The following SMYD3 variants were observed in gnomAD, a reference collection of about 807,000 sequenced individuals.
SMYD3 encodes SET and MYND domain containing 3, also known as histone-lysine N-methyltransferase SMYD3.
Under a neutral mutation model 57.7 loss-of-function variants are expected in SMYD3, and 36 were observed. The ratio of observed to expected loss-of-function variants is 0.62; its 90% confidence interval spans 0.48 to 0.82. The LOEUF is 0.82. Ranked by LOEUF, SMYD3 falls within the 40% of genes least tolerant of loss-of-function variation. SMYD3 has a pLI of 0.00. For missense variants in SMYD3, 515 were observed against 538.8 expected, an observed-to-expected ratio of 0.96 and a Z score of 0.44; for synonymous variants, 211 against 195.0, an observed-to-expected ratio of 1.08 and a Z score of -0.68.
At chr1:246,440,342 T>C (rs1001584004) in intron 1 of SMYD3, among the ~76,000 whole-genome samples, 1 of 152,136 alleles carries the variant, frequency 6.6e-6, no homozygotes, top group African/African-American at 2.4e-5. Flanking sequence ...CTCCCACAAA[T>C]TGAGTACTTA....
Position 246,468,300 on chromosome 1 carries a change from T to C in SMYD3, c.164+38754A>G, listed in dbSNP as rs150310547. Among the ~76,000 whole-genome samples the C allele has an allele frequency of 2.0e-3, 309 of 152,304 alleles. 3 individuals are homozygous for C. Among genetic ancestry groups the C allele is most frequent in the African/African-American group, 7.1e-3 (297 of 41,556 alleles). On this transcript the variant is annotated intron_variant, in intron 1 of 11. Transcript: ENST00000490107. ...AAAACAAAAAATATATGATCATTTCTATAGATGCAGAAAAAGGCATTTGAC... is the reference window on the plus strand; with the variant it reads ...AAAACAAAAAATATATGATCATTTCCATAGATGCAGAAAAAGGCATTTGAC...
intron 8 of SMYD3, among the ~76,000 whole-genome samples, chr1:245,912,884 A>G (rs1268335042): frequency 2.0e-5 from 3 of 152,236 alleles, no homozygotes; most frequent in African/African-American, 4.8e-5. Flanking sequence ...TGAGCCTGGA[A>G]ACTATAATAC....
chr1:246,146,851 G>T (rs1332278961), intron 5 of SMYD3, among the ~76,000 whole-genome samples: 1 of 152,150 alleles, frequency 6.6e-6, no homozygotes, highest in Non-Finnish European at 1.5e-5. Context: ...AAAATTTCAA[G>T]AACTCTCCAA....
At chr1:245,761,149 T>C (rs1433105820) in intron 11 of SMYD3, among the ~76,000 whole-genome samples, 2 of 152,182 alleles carry the variant, frequency 1.3e-5, no homozygotes, top group Non-Finnish European at 2.9e-5. Flanking sequence ...ACAGCAAGTT[T>C]GGGTAAGGCC....
intron 2 of SMYD3, among the ~76,000 whole-genome samples, chr1:246,342,219 A>T (rs1391189265): frequency 6.6e-6 from 1 of 152,184 alleles, no homozygotes; most frequent in Non-Finnish European, 1.5e-5. Context: ...TATTAACTAA[A>T]CATCTTCTAC....
At chr1:246,230,424 G>A (rs749267976) in intron 5 of SMYD3, among the ~76,000 whole-genome samples, 3 of 152,160 alleles carry the variant, frequency 2.0e-5, no homozygotes, top group South Asian at 2.1e-4. Context: ...AAATGACAAC[G>A]TAAGGAAAAT....
At chr1:246,497,688 A>G (rs937249962) in intron 1 of SMYD3, among the ~76,000 whole-genome samples, 1 of 124,386 alleles carries the variant, frequency 8.0e-6, no homozygotes, top group Non-Finnish European at 2.0e-5. Context: ...TCTCATCTCT[A>G]AAAAAAAATT....
intron 1 of SMYD3, among the ~76,000 whole-genome samples, chr1:246,371,219 G>A (rs957372224): frequency 6.6e-6 from 1 of 152,286 alleles, no homozygotes; most frequent in African/African-American, 2.4e-5. Context: ...TACACTGCCT[G>A]TTGTAAGTCA....
At chr1:245,929,255 G>C (rs1223103930) in intron 6 of SMYD3, among the ~76,000 whole-genome samples, 1 of 152,164 alleles carries the variant, frequency 6.6e-6, no homozygotes, top group Non-Finnish European at 1.5e-5. Context: ...TAAGAAAAAA[G>C]GCTGAATTCT....
intron 5 of SMYD3, among the ~76,000 whole-genome samples, chr1:245,961,996 C>T (rs1481363219): frequency 1.3e-5 from 2 of 152,142 alleles, no homozygotes; most frequent in African/African-American, 4.8e-5. Flanking sequence ...AGTAGTTATC[C>T]TCACTTTGCA....
intron 5 of SMYD3, among the ~76,000 whole-genome samples, chr1:246,239,700 C>A (rs538818655): frequency 1.3e-5 from 2 of 152,164 alleles, no homozygotes; most frequent in Non-Finnish European, 2.9e-5. Flanking sequence ...AGTTTACAGT[C>A]CCACCAACAG....
chr1:246,019,131 T>G (rs140526178), intron 5 of SMYD3, among the ~76,000 whole-genome samples: 2 of 152,346 alleles, frequency 1.3e-5, no homozygotes, highest in Admixed American at 1.3e-4. Flanking sequence ...TCCATTACTC[T>G]CCACTCCAGT....
chr1:245,882,400 C>T (rs999275204), intron 8 of SMYD3, among the ~76,000 whole-genome samples: 18 of 152,176 alleles, frequency 1.2e-4, no homozygotes, highest in African/African-American at 3.1e-4. Flanking sequence ...CCTAAGTCAT[C>T]AAACCTTCAT....
At chr1:246,475,706 C>T (rs2068021738) in intron 1 of SMYD3, among the ~76,000 whole-genome samples, 1 of 151,934 alleles carries the variant, frequency 6.6e-6, no homozygotes, top group African/African-American at 2.4e-5. Flanking sequence ...CCTCCACCTC[C>T]TAGGCTCAAG....
chr1:246,397,358 C>T (rs2066689911), intron 1 of SMYD3, among the ~76,000 whole-genome samples: 5 of 152,164 alleles, frequency 3.3e-5, no homozygotes, highest in Admixed American at 3.3e-4. Flanking sequence ...TTCCAAGAAA[C>T]CAGTCCCTGG....
At chr1:246,491,120 G>C (rs149737439) in intron 1 of SMYD3, among the ~76,000 whole-genome samples, 1 of 152,352 alleles carries the variant, frequency 6.6e-6, no homozygotes, top group Non-Finnish European at 1.5e-5. Flanking sequence ...ACCAAAGTGA[G>C]AGTAAGTATG....
At chr1:246,278,354 T>C (rs898738408) in intron 5 of SMYD3, among the ~76,000 whole-genome samples, 4 of 152,198 alleles carry the variant, frequency 2.6e-5, no homozygotes, top group Admixed American at 1.3e-4. Flanking sequence ...TTGCCCCTTA[T>C]GTATGGGCAT....
chr1:246,268,422 A>G (rs2185353), intron 5 of SMYD3, among the ~76,000 whole-genome samples: 52,894 of 152,024 alleles, frequency 0.35, 10,306 homozygotes, highest in East Asian at 0.79. Context: ...ATAACCGGCC[A>G]GGCGCAGTGG....
chr1:246,005,290 A>G (rs1233367114), intron 5 of SMYD3, among the ~76,000 whole-genome samples: 1 of 152,236 alleles, frequency 6.6e-6, no homozygotes, highest in Non-Finnish European at 1.5e-5. Context: ...CCATTGCCCT[A>G]TGACTCAGCA....
Sources: gnomAD v4.1 joint callset for allele counts (sites outside exome capture counted in the v4.1 genomes callset) on GRCh38, gnomAD v4.1.1 for gene constraint, MANE v1.5 for transcripts, NCBI Gene and HGNC (gene_info 2026-07-23, HGNC 2026-07-21) for gene names.